POLK: variants seen among roughly 807,000 people sequenced by gnomAD.
POLK encodes the protein polymerase (DNA directed) kappa.
A neutral mutation model predicts 94.0 loss-of-function variants in POLK; 76 were observed. That is an observed-to-expected ratio of 0.81 (90% CI 0.67 to 0.98). POLK has a LOEUF of 0.98. POLK is among the 50% of genes least tolerant of loss of function. The pLI is 0.00. For missense variants in POLK, 954 were observed against 1,010.1 expected (o/e 0.94, Z 0.75); for synonymous variants, 349 against 325.4 (o/e 1.07, Z -0.78).
chr5:75,523,473 A>G (rs921749756), intron 1 of POLK, among the ~76,000 whole-genome samples: 1 of 152,234 alleles, frequency 6.6e-6, no homozygotes, highest in African/African-American at 2.4e-5. Context: ...GCCCTCAGGC[A>G]GATATGTGAA....
chr5:75,559,518 G>GTTTTTTTTTTTTTTTTTTT (rs1770850714), intron 3 of POLK, among the ~76,000 whole-genome samples: 1 of 70,158 alleles, frequency 1.4e-5, no homozygotes, highest in African/African-American at 5.6e-5. Context: ...TTTTTGTTTT[G>GTTTTTTTTTTTTTTTTTTT]TTTTGTTTTT....
rs5744637 is a variant in POLK, at chr5:75,571,859, AGTTT to A, written c.409-1872_409-1869del. 2.6e-3 allele frequency among the ~76,000 whole-genome samples: 392 copies of A among 152,294 alleles called. 1 individual carries two copies. The highest frequency in any genetic ancestry group is 8.6e-3 in the African/African-American group (357 of 41,578). Reference sequence around the variant, plus strand: ...AAAGTTAGAGAAATTCTTATTTAAAAGTTTGTTTGTCCTCTGCTATAGATCTAGC... The same window carrying A: ...AAAGTTAGAGAAATTCTTATTTAAAAGTTTGTCCTCTGCTATAGATCTAGC... On this transcript the variant is annotated intron_variant, in intron 4 of 14. Coordinates refer to ENST00000241436, the Ensembl canonical transcript of POLK.
chr5:75,594,833 T>A (rs1314266639), intron 12 of POLK, among the ~76,000 whole-genome samples: 1 of 152,192 alleles, frequency 6.6e-6, no homozygotes, highest in Admixed American at 6.5e-5. Flanking sequence ...AGTGTACTGG[T>A]TGAAAGTATA....
chr5:75,562,513 C>T (rs1771042787), intron 3 of POLK, among the ~76,000 whole-genome samples: 1 of 152,188 alleles, frequency 6.6e-6, no homozygotes, highest in Non-Finnish European at 1.5e-5. Context: ...CTTTCTCTTG[C>T]CTGATTGCCC....
At chr5:75,607,426 C>T in the POLK span, among the ~76,000 whole-genome samples, 1 of 150,870 alleles carries the variant, frequency 6.6e-6, no homozygotes, top group African/African-American at 2.4e-5. Context: ...TGAGATTGCA[C>T]CACTGCACTC....
chr5:75,536,451 A>G (rs1044867511), intron 1 of POLK, among the ~76,000 whole-genome samples: 3 of 152,180 alleles, frequency 2.0e-5, no homozygotes, highest in Middle Eastern at 3.2e-3. Context: ...CCATCTGGCT[A>G]CAAGAGGCAG....
intron 4 of POLK, among the ~76,000 whole-genome samples, chr5:75,570,853 ATC>A (rs1319617677): frequency 2.0e-5 from 3 of 152,182 alleles, no homozygotes; most frequent in South Asian, 2.1e-4. Context: ...TAAAACTATA[ATC>A]TGTTTGTTTT....
chr5:75,579,818 G>A (rs1471983474), intron 6 of POLK, among the ~76,000 whole-genome samples: 2 of 151,790 alleles, frequency 1.3e-5, no homozygotes, highest in East Asian at 2.0e-4. Context: ...AGGCTGAGGT[G>A]GGAGGATCAG....
At chr5:75,606,908 TATC>T in the POLK span, among the ~76,000 whole-genome samples, 3 of 152,026 alleles carry the variant, frequency 2.0e-5, no homozygotes, top group Non-Finnish European at 4.4e-5. Flanking sequence ...ACACAAATGG[TATC>T]ATCCTAAAGA....
rs182812758 is a variant in POLK at position 75,530,312 on chromosome 5, C to T, written c.-13-16698C>T. On this transcript the variant is annotated intron_variant, in intron 1 of 14. Coordinates refer to ENST00000241436, the Ensembl canonical transcript of POLK. Reference sequence around the variant, plus strand: ...TCACCCAGGCTGGAGTGCATTGGCACGATCTAGGCTCACTGCAACCTCCAC... The same window carrying T: ...TCACCCAGGCTGGAGTGCATTGGCATGATCTAGGCTCACTGCAACCTCCAC... 4.6e-3 allele frequency among the ~76,000 whole-genome samples: 602 copies of T among 131,434 alleles called. 4 individuals are homozygous for T. Among genetic ancestry groups the T allele is most frequent in the Middle Eastern group, 9.8e-3 (2 of 204 alleles). 86.2% of individuals were successfully genotyped at this position (131,434 alleles called of 152,430 possible).
chr5:75,521,285 T>A (rs1768572783), intron 1 of POLK, among the ~76,000 whole-genome samples: 2 of 152,130 alleles, frequency 1.3e-5, no homozygotes, highest in Non-Finnish European at 2.9e-5. Flanking sequence ...CTTCATTCCT[T>A]TTTATTATTT....
intron 1 of POLK, among the ~76,000 whole-genome samples, chr5:75,521,955 C>T (rs1768608852): frequency 6.6e-6 from 1 of 152,198 alleles, no homozygotes; most frequent in African/African-American, 2.4e-5. Flanking sequence ...ACCTGTGGAA[C>T]GTACCTCCTA....
chr5:75,529,642 TA>T (rs990652602), intron 1 of POLK, among the ~76,000 whole-genome samples: 2 of 152,180 alleles, frequency 1.3e-5, no homozygotes, highest in East Asian at 1.9e-4. Context: ...ACAGATTTTT[TA>T]AAAAAATTTT....
chr5:75,544,655 G>GAATT (rs1769922016), intron 1 of POLK, among the ~76,000 whole-genome samples: 1 of 151,956 alleles, frequency 6.6e-6, no homozygotes, highest in Non-Finnish European at 1.5e-5. Flanking sequence ...ATGAATGAAT[G>GAATT]AATGAATGAA....
chr5:75,552,794 G>C (rs1276514440), intron 3 of POLK, among the ~76,000 whole-genome samples: 2 of 152,130 alleles, frequency 1.3e-5, no homozygotes, highest in African/African-American at 4.8e-5. Context: ...CATAGACATT[G>C]TCACCTCTAT....
intron 12 of POLK, 138 bp downstream of exon 12, chr5:75,594,187 T>C: frequency 1.6e-6 from 1 of 611,022 alleles, no homozygotes; most frequent in East Asian, 2.7e-5. Context: ...GTGGGAAAGC[T>C]GTATGCTTTC....
At chr5:75,597,508 C>T (rs1002477402) in intron 13 of POLK, 3 of 410,512 alleles carry the variant, frequency 7.3e-6, no homozygotes, top group South Asian at 7.2e-5. Flanking sequence ...ACTAGAAAGC[C>T]TCTTTAACTT....
chr5:75,604,432 AT>A (rs1348556779), downstream of POLK, among the ~76,000 whole-genome samples: 1 of 152,180 alleles, frequency 6.6e-6, no homozygotes, highest in Non-Finnish European at 1.5e-5. Context: ...GCTGAAATAC[AT>A]TGTCATGATC....
intron 7 of POLK, chr5:75,582,029 G>A: frequency 1.0e-6 from 1 of 983,504 alleles, no homozygotes; most frequent in Non-Finnish European, 1.2e-6. Flanking sequence ...ATTTTTATTG[G>A]TTTTGCATGT....
Sources: gnomAD v4.1 joint callset for allele counts (sites outside exome capture counted in the v4.1 genomes callset) on GRCh38, gnomAD v4.1.1 for gene constraint, MANE v1.5 for transcripts, NCBI Gene and HGNC (gene_info 2026-07-23, HGNC 2026-07-21) for gene names.